The following PCED1B variants were observed in gnomAD, a reference collection of about 807,000 sequenced individuals.
PCED1B encodes the protein PC-esterase domain-containing protein 1B.
For synonymous variants in PCED1B, 251 were observed against 246.1 expected, an observed-to-expected ratio of 1.02 and a Z score of -0.19; for missense variants, 573 against 573.9, an observed-to-expected ratio of 1.00 and a Z score of 0.02.
chr12:47,095,693 A>T (rs977125345), intron 1 of PCED1B, among the ~76,000 whole-genome samples: 1 of 152,208 alleles, frequency 6.6e-6, no homozygotes, highest in African/African-American at 2.4e-5. Flanking sequence ...CATCTGCTGT[A>T]AACTTATCCA....
At chr12:47,082,220 G>A (rs1937767269) in intron 1 of PCED1B, among the ~76,000 whole-genome samples, 1 of 152,122 alleles carries the variant, frequency 6.6e-6, no homozygotes, top group Non-Finnish European at 1.5e-5. Flanking sequence ...TCTGTTTTGT[G>A]TATTGCTGTA....
chr12:47,212,139 C>G (rs1267904561), intron 2 of PCED1B, among the ~76,000 whole-genome samples: 4 of 150,380 alleles, frequency 2.7e-5, no homozygotes, highest in African/African-American at 9.8e-5. Flanking sequence ...GGCATGGTGG[C>G]TCACTCCTGT....
At chr12:47,180,947 G>A (rs1415794090) in intron 2 of PCED1B, among the ~76,000 whole-genome samples, 3 of 151,838 alleles carry the variant, frequency 2.0e-5, no homozygotes, top group African/African-American at 7.3e-5. Flanking sequence ...GTGGTTCCAG[G>A]GAGTTAGGTT....
intron 1 of PCED1B, among the ~76,000 whole-genome samples, chr12:47,102,067 A>C (rs1167045906): frequency 6.6e-6 from 1 of 152,248 alleles, no homozygotes; most frequent in Non-Finnish European, 1.5e-5. Context: ...AGTTCCCAAG[A>C]AACTAAATTG....
chr12:47,081,898 G>A (rs796865845), intron 1 of PCED1B, among the ~76,000 whole-genome samples: 1 of 152,070 alleles, frequency 6.6e-6, no homozygotes, highest in Non-Finnish European at 1.5e-5. Context: ...ATAACTACAG[G>A]CATATTGTAG....
intron 3 of PCED1B, among the ~76,000 whole-genome samples, chr12:47,229,932 G>A (rs1446048917): frequency 5.3e-5 from 8 of 151,436 alleles, no homozygotes; most frequent in African/African-American, 1.9e-4. Context: ...ACCACACCCG[G>A]CTAATATTTT....
intron 2 of PCED1B, among the ~76,000 whole-genome samples, chr12:47,171,934 A>G (rs1015680758): frequency 3.8e-5 from 5 of 133,056 alleles, no homozygotes; most frequent in Non-Finnish European, 6.3e-5. Context: ...TTCTATATGT[A>G]TATGTATGTG....
At chr12:47,226,435 G>A (rs538521930) in intron 3 of PCED1B, among the ~76,000 whole-genome samples, 98 of 152,234 alleles carry the variant, frequency 6.4e-4, no homozygotes, top group African/African-American at 2.2e-3. Flanking sequence ...GTGCATTGGT[G>A]GGATCTCGGC....
chr12:47,162,177 G>T (rs546988521), intron 2 of PCED1B, among the ~76,000 whole-genome samples: 1 of 151,942 alleles, frequency 6.6e-6, no homozygotes, highest in South Asian at 2.1e-4. Context: ...TGAATTAATG[G>T]GTGCAGCACA....
chr12:47,162,846 G>A (rs956986914), intron 2 of PCED1B, among the ~76,000 whole-genome samples: 16 of 152,162 alleles, frequency 1.1e-4, no homozygotes, highest in Non-Finnish European at 1.9e-4. Flanking sequence ...AGATTTGCAA[G>A]GGACAAATAT....
At chr12:47,172,068 T>A (rs988062384) in intron 2 of PCED1B, among the ~76,000 whole-genome samples, 12 of 152,164 alleles carry the variant, frequency 7.9e-5, no homozygotes, top group African/African-American at 2.9e-4. Flanking sequence ...GTAATACATT[T>A]CCATCTGCTG....
At chr12:47,085,503 A>C (rs549462227) in intron 1 of PCED1B, among the ~76,000 whole-genome samples, 2 of 152,332 alleles carry the variant, frequency 1.3e-5, no homozygotes, top group African/African-American at 4.8e-5. Flanking sequence ...TATTTTCTTA[A>C]TGTGCAACAG....
Position 47,217,482 on chromosome 12 carries a change from AAG to A in PCED1B, c.-58+795_-58+796del, listed in dbSNP as rs781602752. Among the ~76,000 whole-genome samples the A allele has an allele frequency of 4.3e-3, 501 of 115,218 alleles. 26 individuals are homozygous for A. Among genetic ancestry groups the A allele is most frequent in the African/African-American group, 0.023 (491 of 21,444 alleles). The allele number at this position is 115,218 out of a possible 152,430, so 75.6% of individuals were successfully genotyped here. ...AAAAAGAAAGAAAGAGAAAGAAAGA[AAG>A]AAAGAAAGAAAGAAAGAAAGAAAGA... is the stretch of plus-strand genomic sequence containing the variant. On this transcript the variant is annotated intron_variant, in intron 3 of 3. Coordinates refer to ENST00000546455, the MANE Select transcript of PCED1B (RefSeq NM_138371.3).
intron 1 of PCED1B, among the ~76,000 whole-genome samples, chr12:47,089,009 G>A (rs1335213259): frequency 6.6e-6 from 1 of 152,128 alleles, no homozygotes; most frequent in Non-Finnish European, 1.5e-5. Context: ...GTTTGTAGGG[G>A]TACCTGGGTG....
intron 1 of PCED1B, among the ~76,000 whole-genome samples, chr12:47,093,107 C>G (rs1329090953): frequency 3.3e-5 from 5 of 151,856 alleles, no homozygotes; most frequent in African/African-American, 1.2e-4. Flanking sequence ...CACTGATAAA[C>G]TATCTGAGCC....
intron 2 of PCED1B, among the ~76,000 whole-genome samples, chr12:47,129,767 A>T (rs773744399): frequency 7.9e-5 from 12 of 152,222 alleles, no homozygotes; most frequent in Non-Finnish European, 1.5e-4. Context: ...CAAAGGATGG[A>T]GAGGAGACCA....
chr12:47,192,440 C>G (rs1942474517), intron 2 of PCED1B, among the ~76,000 whole-genome samples: 1 of 152,124 alleles, frequency 6.6e-6, no homozygotes, highest in African/African-American at 2.4e-5. Context: ...AATGGGTGCT[C>G]CTTTTGGATA....
intron 1 of PCED1B, among the ~76,000 whole-genome samples, chr12:47,089,502 C>CTATATATATATATATA (rs1592128717): frequency 1.5e-5 from 1 of 66,782 alleles, no homozygotes; most frequent in African/African-American, 5.2e-5. Context: ...ATGTATATAC[C>CTATATATATATATATA]AAAAAACATA....
At chr12:47,163,486 G>A (rs1592223641) in intron 2 of PCED1B, among the ~76,000 whole-genome samples, 1 of 152,228 alleles carries the variant, frequency 6.6e-6, no homozygotes, top group Admixed American at 6.5e-5. Flanking sequence ...ATTGCTTTGT[G>A]CCTGATTTTA....
Sources: gnomAD v4.1 joint callset for allele counts (sites outside exome capture counted in the v4.1 genomes callset) on GRCh38, gnomAD v4.1.1 for gene constraint, MANE v1.5 for transcripts, NCBI Gene and HGNC (gene_info 2026-07-23, HGNC 2026-07-21) for gene names.